ERI3: variants seen among roughly 807,000 people sequenced by gnomAD.
The protein encoded by ERI3 is ERI1 exoribonuclease 3.
Under a neutral mutation model 44.4 loss-of-function variants are expected in ERI3, and 18 were observed. The observed-to-expected ratio is 0.41, with a 90% CI of 0.28 to 0.60. The LOEUF (loss-of-function observed/expected upper bound fraction) is 0.60, where lower values mean the gene tolerates loss of function less well. Ranked by LOEUF, ERI3 falls within the 20% of genes least tolerant of loss-of-function variation. The pLI is 0.36. For synonymous variants in ERI3, 183 were observed against 164.8 expected (o/e 1.11, Z -0.84); for missense variants, 294 against 435.5 (o/e 0.68, Z 2.89).
chr1:44,352,772 G>A (rs1207606157), intron 2 of ERI3, 78 bp downstream of exon 2: 6 of 1,504,346 alleles, frequency 4.0e-6, no homozygotes, highest in African/African-American at 2.8e-5. Flanking sequence ...ATCTGCATCA[G>A]CCCCCACCCC....
At chr1:44,330,683 G>A (rs1452373352) in intron 3 of ERI3, among the ~76,000 whole-genome samples, 1 of 152,174 alleles carries the variant, frequency 6.6e-6, no homozygotes, top group African/African-American at 2.4e-5. Context: ...GTACACTCTT[G>A]TTTCAGGCTT....
At chr1:44,310,443 T>C (rs927760126) in intron 5 of ERI3, among the ~76,000 whole-genome samples, 14 of 152,188 alleles carry the variant, frequency 9.2e-5, no homozygotes, top group Non-Finnish European at 1.8e-4. Context: ...TCATTCAGCA[T>C]AGGATCTACT....
In ERI3 at chr1:44,232,212, G is replaced by A. The variant is rs199589590; in HGVS notation, c.932-10572C>T. Reference sequence around the variant, plus strand: ...AAAGGCAGGAAGGAGAATGACATAAGGAATGGACCTTACAACATAGAACTC... The same window carrying A: ...AAAGGCAGGAAGGAGAATGACATAAAGAATGGACCTTACAACATAGAACTC... On this transcript the variant is annotated intron_variant, in intron 8 of 8. Transcript: ENST00000372257. Among the ~76,000 whole-genome samples the A allele has an allele frequency of 5.3e-5, 8 of 152,340 alleles. No homozygotes were observed. In the East Asian group the frequency reaches 1.3e-3, roughly 26 times the overall value.
chr1:44,342,283 G>A (rs1646669822), intron 2 of ERI3, among the ~76,000 whole-genome samples: 2 of 152,098 alleles, frequency 1.3e-5, no homozygotes, highest in African/African-American at 4.8e-5. Context: ...TCTGATGTGG[G>A]GTGACACACG....
At chr1:44,351,325 T>C (rs924503404) in intron 2 of ERI3, among the ~76,000 whole-genome samples, 3 of 152,174 alleles carry the variant, frequency 2.0e-5, no homozygotes, top group Non-Finnish European at 4.4e-5. Flanking sequence ...TGAGCCACCA[T>C]GCCGGCCTGC....
At chr1:44,327,240 G>A (rs993818928) in intron 3 of ERI3, among the ~76,000 whole-genome samples, 3 of 152,112 alleles carry the variant, frequency 2.0e-5, no homozygotes, top group Non-Finnish European at 4.4e-5. Flanking sequence ...GAAATGGAAG[G>A]GTGCCAAGCC....
intron 7 of ERI3, among the ~76,000 whole-genome samples, chr1:44,269,079 G>A (rs1645042015): frequency 6.6e-6 from 1 of 152,198 alleles, no homozygotes; most frequent in Admixed American, 6.5e-5. Flanking sequence ...GCCATCCCAA[G>A]GCCAGACATT....
intron 3 of ERI3, among the ~76,000 whole-genome samples, chr1:44,337,794 G>C (rs1385790531): frequency 1.3e-5 from 2 of 152,156 alleles, no homozygotes; most frequent in Non-Finnish European, 2.9e-5. Context: ...GACAAACCCA[G>C]TTTATCTTTA....
chr1:44,309,748 A>G (rs976810134), intron 5 of ERI3, among the ~76,000 whole-genome samples: 6 of 151,964 alleles, frequency 3.9e-5, no homozygotes, highest in Non-Finnish European at 7.4e-5. Flanking sequence ...TATTTTTAGT[A>G]GAGACGGGGT....
intron 3 of ERI3, chr1:44,323,093 T>C (rs754351075): frequency 1.1e-4 from 56 of 504,454 alleles, no homozygotes; most frequent in Admixed American, 2.2e-4. Flanking sequence ...TGTGTAAAAG[T>C]AGCACCAGGA....
chr1:44,273,850 G>A (rs1225296840), intron 7 of ERI3, among the ~76,000 whole-genome samples: 4 of 152,190 alleles, frequency 2.6e-5, no homozygotes, highest in African/African-American at 9.7e-5. Flanking sequence ...TATATGTAAG[G>A]GGAGGTGAGA....
rs141632449 is a variant in ERI3 at position 44,323,122 on chromosome 1, G to A, written c.490-3378C>T. The stretch of plus-strand genomic sequence containing the variant: ...ACCAGGAAGGAAGGAAGGACCAGTC[G>A]TATTTACCAGCCCTCTTTCCCTATC... On this transcript the variant is annotated intron_variant, in intron 3 of 8. Coordinates refer to ENST00000372257, the MANE Select transcript of ERI3 (RefSeq NM_024066.3). 3.3e-5 allele frequency: 13 copies of A among 391,510 alleles called. No homozygotes were observed. The East Asian group carries it at 3.6e-4, about 11-fold the overall frequency. The allele number at this position is 391,510 out of a possible 1,614,324, so 24.3% of individuals were successfully genotyped here. A position where few individuals can be genotyped will look rare whatever the true frequency, so the allele number is the denominator to read the frequency against.
chr1:44,230,634 C>T (rs1012829471), intron 8 of ERI3, among the ~76,000 whole-genome samples: 2 of 152,190 alleles, frequency 1.3e-5, no homozygotes, highest in African/African-American at 4.8e-5. Context: ...ACCTGTGACC[C>T]GGCCCCAGAC....
chr1:44,247,793 C>T, intron 8 of ERI3, 146 bp downstream of exon 8: 1 of 556,870 alleles, frequency 1.8e-6, no homozygotes, highest in Non-Finnish European at 3.1e-6. Context: ...CTCATGCCAC[C>T]CCCCTTCCAC....
In ERI3 at chr1:44,251,348, A is replaced by G. The variant is rs144990161; in HGVS notation, c.832-3310T>C. 4.8e-4 allele frequency among the ~76,000 whole-genome samples: 73 copies of G among 152,288 alleles called. 1 individual carries two copies. Among genetic ancestry groups the G allele is most frequent in the African/African-American group, 1.7e-3 (71 of 41,572 alleles). The stretch of plus-strand genomic sequence containing the variant: ...GCCCTCAGGTGACTGCCACACTTCC[A>G]TTACTTGCTCCCTCCATTCGCCCTC... On this transcript the variant is annotated intron_variant, in intron 7 of 8. Transcript: ENST00000372257.
intron 7 of ERI3, among the ~76,000 whole-genome samples, chr1:44,281,609 T>C (rs1173028897): frequency 3.5e-5 from 5 of 142,060 alleles, no homozygotes; most frequent in Non-Finnish European, 7.6e-5. Flanking sequence ...AAAATATATA[T>C]ATATATATAT....
At chr1:44,334,255 A>G (rs1376873557) in intron 3 of ERI3, among the ~76,000 whole-genome samples, 1 of 152,038 alleles carries the variant, frequency 6.6e-6, no homozygotes, top group East Asian at 1.9e-4. Context: ...CCTCACTTAC[A>G]TTTGCTTTGG....
intron 7 of ERI3, among the ~76,000 whole-genome samples, chr1:44,268,727 G>A (rs1203994378): frequency 6.6e-6 from 1 of 152,152 alleles, no homozygotes; most frequent in East Asian, 1.9e-4. Context: ...ACTTTTCCTA[G>A]TCTCTACCTG....
intron 6 of ERI3, among the ~76,000 whole-genome samples, chr1:44,298,020 C>A (rs1645647276): frequency 6.6e-6 from 1 of 152,352 alleles, no homozygotes; most frequent in South Asian, 2.1e-4. Context: ...CTAGCTCCTG[C>A]AGAATCCCAA....
Sources: gnomAD v4.1 joint callset for allele counts (sites outside exome capture counted in the v4.1 genomes callset) on GRCh38, gnomAD v4.1.1 for gene constraint, MANE v1.5 for transcripts, NCBI Gene and HGNC (gene_info 2026-07-23, HGNC 2026-07-21) for gene names.